The following ZNF320 variants were observed in gnomAD, a reference collection of about 807,000 sequenced individuals.
The protein encoded by ZNF320 is zinc finger gene 320.
ZNF320 carries 2 observed loss-of-function variants against 6.8 expected under a neutral mutation model. That is an observed-to-expected ratio of 0.29 (90% confidence interval 0.12 to 0.93). ZNF320 has a LOEUF of 0.93. Among genes scored for constraint, ZNF320 ranks in the 40% least tolerant of loss-of-function variants. ZNF320 has a pLI of 0.55. For missense variants in ZNF320, 472 were observed against 611.0 expected (o/e 0.77, Z 2.40); for synonymous variants, 208 against 203.2 (o/e 1.02, Z -0.20).
intron 5 of ZNF320, among the ~76,000 whole-genome samples, chr19:52,882,598 C>G (rs2147822915): frequency 6.6e-6 from 1 of 152,304 alleles, no homozygotes; most frequent in Non-Finnish European, 1.5e-5. Flanking sequence ...AGTGAGCCCA[C>G]ATCGCACCAC....
chr19:52,865,335 A>G, intron 5 of ZNF320: 1 of 306,392 alleles, frequency 3.3e-6, no homozygotes, highest in South Asian at 3.3e-5. Flanking sequence ...ATATATATAT[A>G]TGGTCTGGAG....
chr19:52,881,224 T>G lies in ZNF320; in HGVS notation c.902A>C (p.Tyr301Ser). ...HKAVHTAEKP[Y>S]KCNECGKVFK... ...AACCTTGCCACATTCATTACACTTA[T>G]AGGGTTTCTCTGCAGTATGAACTGC... The change falls in exon 6 of 6, where the codon TAT becomes TCT. Residue 301 changes from tyrosine to serine, a missense_variant. Coordinates refer to ENST00000682928, the MANE Select transcript of ZNF320 (RefSeq NM_001351774.2). The G allele has an allele frequency of 6.2e-7, 1 of 1,614,206 alleles. No individual in the cohort carries two copies. The highest frequency in any genetic ancestry group is 8.5e-7 in the Non-Finnish European group (1 of 1,180,034).
At chr19:52,862,033 C>T (rs1157365784) in exon 6 of ZNF320, 2 of 377,000 alleles carry the variant, frequency 5.3e-6, no homozygotes, top group African/African-American at 2.1e-5. Flanking sequence ...AGTATGAGTT[C>T]GCTGATGAAC....
chr19:52,869,163 A>G (rs1340367653), intron 5 of ZNF320, among the ~76,000 whole-genome samples: 2 of 152,116 alleles, frequency 1.3e-5, no homozygotes, highest in African/African-American at 2.4e-5. Context: ...AGAAAGTGGA[A>G]CTAATTTAGC....
upstream of ZNF320, among the ~76,000 whole-genome samples, chr19:52,900,923 TA>T (rs35030261): frequency 0.49 from 73,113 of 149,728 alleles, 18,086 homozygotes; most frequent in South Asian, 0.57. Context: ...TTTTTTTTTT[TA>T]ACTGTGTAAC....
At chr19:52,899,966 C>T (rs564409203), upstream of ZNF320, among the ~76,000 whole-genome samples, 12 of 152,276 alleles carry the variant, frequency 7.9e-5, no homozygotes, top group African/African-American at 2.9e-4. Flanking sequence ...CATTTATCAT[C>T]TTTCTAATTA....
At chr19:52,890,430 C>A (rs2064250643) in intron 3 of ZNF320, 102 bp from the exon 4 acceptor site, 9 of 970,034 alleles carry the variant, frequency 9.3e-6, no homozygotes, top group Non-Finnish European at 1.3e-5. Context: ...GAAATATGGT[C>A]CCCTCTGCTG....
At chr19:52,894,655 C>T (rs1431639459) in intron 1 of ZNF320, among the ~76,000 whole-genome samples, 2 of 152,034 alleles carry the variant, frequency 1.3e-5, no homozygotes, top group Non-Finnish European at 2.9e-5. Flanking sequence ...AGGTGGATCA[C>T]GAGCTCAGGA....
chr19:52,862,021 C>T (rs976324200), exon 6 of ZNF320: 21 of 384,504 alleles, frequency 5.5e-5, no homozygotes, highest in Middle Eastern at 3.7e-4. Flanking sequence ...AGGTTTCTCT[C>T]CAGTATGAGT....
chr19:52,865,570 T>TATATTTATATGATCATAC (rs1397350153), intron 5 of ZNF320: 6 of 90,690 alleles, frequency 6.6e-5, no homozygotes, highest in African/African-American at 9.8e-5. Flanking sequence ...TGATCATACA[T>TATATTTATATGATCATAC]ATATATTTAT....
At chr19:52,862,575 C>A in exon 6 of ZNF320, 2 of 400,140 alleles carry the variant, frequency 5.0e-6, no homozygotes, top group South Asian at 4.3e-5. Context: ...TTGTGGCAGT[C>A]ATTACATCTG....
chr19:52,866,866 A>C (rs1431438373), intron 5 of ZNF320, among the ~76,000 whole-genome samples: 14 of 92,124 alleles, frequency 1.5e-4, no homozygotes, highest in Non-Finnish European at 2.7e-4. Context: ...CTCACAAAAC[A>C]TACAAAAAAA....
At chr19:52,887,380 C>T (rs1007127672) in intron 5 of ZNF320, among the ~76,000 whole-genome samples, 1 of 152,110 alleles carries the variant, frequency 6.6e-6, no homozygotes, top group Non-Finnish European at 1.5e-5. Context: ...TTCTAGAGTC[C>T]CAGCCCTATA....
chr19:52,902,047 C>T (rs1364890750), upstream of ZNF320, among the ~76,000 whole-genome samples: 3 of 150,420 alleles, frequency 2.0e-5, no homozygotes, highest in Non-Finnish European at 4.4e-5. Flanking sequence ...ATGGACTAAA[C>T]CATAAGTGCC....
At chr19:52,883,562 C>T (rs1227337907) in intron 5 of ZNF320, 1 of 452,566 alleles carries the variant, frequency 2.2e-6, no homozygotes, top group East Asian at 7.1e-5. Flanking sequence ...TCACTACCTT[C>T]TGAAGTATGA....
rs1287813094 is a variant in ZNF320, at chr19:52,881,357, TCTGA to T, written c.765_768del (p.Ser255ArgfsTer34). The T allele has an allele frequency of 1.2e-6, 2 of 1,614,036 alleles. No individual in the cohort carries two copies. Among genetic ancestry groups the T allele is most frequent in the African/African-American group, 1.3e-5 (1 of 74,922 alleles). ...CTATGATGGTACACAAGGTGTGATG[TCTGA>T]CTAAAGGTCTTGCCACACTCATTAC... On this transcript the variant is annotated frameshift_variant, in exon 6 of 6. Coordinates refer to ENST00000682928, the MANE Select transcript of ZNF320 (RefSeq NM_001351774.2). LOFTEE classifies it low-confidence loss of function (END_TRUNC).
At chr19:52,895,258 A>G (rs2147898189) in intron 1 of ZNF320, 1 of 152,170 alleles carries the variant, frequency 6.6e-6, no homozygotes, top group East Asian at 1.9e-4. Flanking sequence ...TGAGGTTGGG[A>G]GTTTGAGACC....
At chr19:52,885,279 G>C (rs1277715133) in intron 5 of ZNF320, among the ~76,000 whole-genome samples, 1 of 145,978 alleles carries the variant, frequency 6.9e-6, no homozygotes, top group Non-Finnish European at 1.6e-5. Context: ...TCCAGTAAAG[G>C]TAAATAAAAA....
rs775603708 is a variant in ZNF320, at chr19:52,881,980, A to C, written c.146T>G (p.Ile49Ser). 6.2e-7 allele frequency: 1 copy of C among 1,604,358 alleles called. No homozygotes were observed. The highest frequency in any genetic ancestry group is 1.1e-5 in the South Asian group (1 of 89,410). Residue 49 changes from isoleucine to serine, a missense_variant, in exon 6 of 6, where the codon ATC becomes AGC. By Grantham distance (142) the Ile-to-Ser change is moderately radical (BLOSUM62 -2). Around this residue, in one of 2 missense-constraint regions of ZNF320, gnomAD observed 462 missense variants for 559.7 expected, o/e 0.83. Transcript: ENST00000682928. ...ENYRNLVSLD[I>S]SSKCMMNTLS... ...TGTATTCATCATGCATTTGGAAGAG[A>C]TATCTACAAAATATAAACACCAATA...
Sources: gnomAD v4.1 joint callset for allele counts (sites outside exome capture counted in the v4.1 genomes callset) on GRCh38, gnomAD v4.1.1 for gene constraint, gnomAD v4.1.1 regional missense constraint, MANE v1.5 for transcripts, NCBI Gene and HGNC (gene_info 2026-07-23, HGNC 2026-07-21) for gene names.